DSC3: variants seen among roughly 807,000 people sequenced by gnomAD.
DSC3 encodes the protein desmocollin-3.
DSC3 carries 97 observed loss-of-function variants against 89.5 expected under a neutral mutation model. The ratio of observed to expected loss-of-function variants is 1.08; its 90% confidence interval spans 0.92 to 1.28. DSC3 has a LOEUF of 1.28. Among genes scored for constraint, DSC3 ranks in the 50% most tolerant of loss-of-function variants. DSC3 has a pLI of 0.00. For synonymous variants in DSC3, 436 were observed against 384.1 expected (o/e 1.14, Z -1.58); for missense variants, 1,199 against 1,085.3 (o/e 1.10, Z -1.47).
chr18:31,025,692 G>T, intron 5 of DSC3, 68 bp downstream of exon 5: 3 of 1,483,594 alleles, frequency 2.0e-6, no homozygotes, highest in Non-Finnish European at 2.8e-6. Flanking sequence ...GGAAAGAGTA[G>T]CTGGAGTAAG....
chr18:31,011,193 C>G (rs1985045011), intron 9 of DSC3, among the ~76,000 whole-genome samples: 1 of 152,214 alleles, frequency 6.6e-6, no homozygotes, highest in Non-Finnish European at 1.5e-5. Flanking sequence ...GTCTCTTTAA[C>G]TCTTCTCTTC....
At position 31,032,230 on chromosome 18, in the gene DSC3, A is replaced by G; in HGVS notation, c.116T>C (p.Val39Ala). The change falls in exon 2 of 16, where the codon GTA becomes GCA. Residue 39 changes from valine (V) to alanine (A), a missense_variant. Val to Ala is a moderately conservative substitution (Grantham distance 64). Transcript: ENST00000360428. ...GEACKKVILN[V>A]PSKLEADKII... is the part of the protein sequence containing the mutation. ...TTTGTCTGCCTCTAGTTTAGAAGGT[A>G]CATTAAGTATCACCTTTTTGCAGGC... is the stretch of plus-strand genomic sequence containing the variant. The G allele has an allele frequency of 6.2e-7, 1 of 1,613,866 alleles. No individual in the cohort carries two copies. The highest frequency in any genetic ancestry group is 8.5e-7 in the Non-Finnish European group (1 of 1,179,788).
intron 14 of DSC3, among the ~76,000 whole-genome samples, chr18:30,998,802 C>T (rs552012196): frequency 7.2e-5 from 11 of 152,240 alleles, no homozygotes; most frequent in Admixed American, 7.2e-4. Flanking sequence ...ACAGAAAAAT[C>T]ACAGCAAGGT....
rs1210748338 is a variant in DSC3, at chr18:30,996,987, G to A, written c.2297C>T (p.Thr766Ile). 1.2e-6 allele frequency: 2 copies of A among 1,614,050 alleles called. No homozygotes were observed. Among genetic ancestry groups the A allele is most frequent in the African/African-American group, 1.3e-5 (1 of 74,986 alleles). Residue 766 changes from threonine (T) to isoleucine (I), a missense_variant, in exon 15 of 16, where the codon ACT becomes ATT. Transcript: ENST00000360428. ...TNNSSQGFCGTMGSGMKNGGQ... is the reference protein window; with the variant it reads ...TNNSSQGFCGIMGSGMKNGGQ... ...TCCATTTTTCATTCCTGATCCCATA[G>A]TACCACAAAAACCTTGGCTAGAGTT...
At chr18:30,995,022 A>G (rs992695465) in intron 15 of DSC3, among the ~76,000 whole-genome samples, 4 of 152,184 alleles carry the variant, frequency 2.6e-5, no homozygotes, top group Non-Finnish European at 5.9e-5. Flanking sequence ...ACATGCATCG[A>G]AAAGTTCAAT....
intron 13 of DSC3, 115 bp downstream of exon 13, chr18:31,004,027 T>C (rs890766632): frequency 5.1e-6 from 4 of 789,664 alleles, no homozygotes; most frequent in African/African-American, 1.7e-5. Flanking sequence ...CAAAAGGAAC[T>C]TGGAAAGAGA....
intron 1 of DSC3, among the ~76,000 whole-genome samples, chr18:31,040,081 TA>T (rs1986085487): frequency 6.6e-6 from 1 of 152,082 alleles, no homozygotes; most frequent in Admixed American, 6.6e-5. Context: ...CCCTAACAAA[TA>T]TAAAAATTTG....
chr18:31,015,890 G>A (rs1228871714), intron 9 of DSC3, among the ~76,000 whole-genome samples: 1 of 152,164 alleles, frequency 6.6e-6, no homozygotes. Flanking sequence ...TGACCCTGCT[G>A]ATTAAAACAG....
chr18:31,038,342 G>A (rs1270627560), intron 1 of DSC3, among the ~76,000 whole-genome samples: 1 of 152,190 alleles, frequency 6.6e-6, no homozygotes, highest in African/African-American at 2.4e-5. Flanking sequence ...AGAAGTGTGT[G>A]TGGAGCTCTC....
Position 31,008,427 on chromosome 18 carries a change from G to C in DSC3, c.1362C>G (p.Asn454Lys), listed in dbSNP as rs776083703. 1 of 1,614,136 alleles carries C rather than the reference G, an allele frequency of 6.2e-7. No homozygotes were observed. Among genetic ancestry groups the C allele is most frequent in the Non-Finnish European group, 8.5e-7 (1 of 1,180,022 alleles). The change falls in exon 10 of 16, where the codon AAC becomes AAG. Residue 454 changes from asparagine (N) to lysine (K), a missense_variant. Transcript: ENST00000360428. Reference protein sequence around the residue: ...ARDIPRVTALNRALVTVHVRD... With the variant: ...ARDIPRVTALKRALVTVHVRD... ...TCACATGAACTGTAACCAAGGCTCT[G>C]TTCAAGGCTGTCACTCTGGGAATAT...
chr18:31,032,397 G>A, intron 1 of DSC3, 121 bp from the exon 2 acceptor site: 1 of 750,446 alleles, frequency 1.3e-6, no homozygotes, highest in South Asian at 1.6e-5. Flanking sequence ...ATAAACCCCA[G>A]CAAACTAGGA....
chr18:30,993,701 G>A lies in DSC3; in HGVS notation c.*474C>T, dbSNP rs1461024836. The A allele has an allele frequency of 6.1e-6, 1 of 164,138 alleles. No homozygotes were observed. Among genetic ancestry groups the A allele is most frequent in the Non-Finnish European group, 1.3e-5 (1 of 75,450 alleles). The allele number at this position is 164,138 out of a possible 1,614,324, so 10.2% of individuals were successfully genotyped here. ...AAATGAATTTGGTAGTGCAGTAGGG[G>A]TGAGTCCCAATTCTTTATGAGCTGC... is the stretch of plus-strand genomic sequence containing the variant. On this transcript the variant is annotated 3_prime_UTR_variant, in exon 16 of 16. Transcript: ENST00000360428.
chr18:31,041,245 C>T (rs1586961), intron 1 of DSC3, among the ~76,000 whole-genome samples: 21,972 of 152,182 alleles, frequency 0.14, 1,666 homozygotes, highest in Admixed American at 0.19. Flanking sequence ...ACCCCAAATG[C>T]ATGCTTGTAA....
chr18:31,042,317 C>T (rs1215501238), intron 1 of DSC3, among the ~76,000 whole-genome samples: 2 of 152,230 alleles, frequency 1.3e-5, no homozygotes, highest in Non-Finnish European at 2.9e-5. Flanking sequence ...GCGACGGCGC[C>T]CGCCAGAGCG....
chr18:30,993,017 T>G lies in DSC3; in HGVS notation c.*1158A>C, dbSNP rs1285101989. ...GGCTTAGGTTTAAGGACAATCAATC[T>G]CCCCAGGGTGCTTTCAGTAAGATCC... On this transcript the variant is annotated 3_prime_UTR_variant, in exon 16 of 16. Coordinates refer to ENST00000360428, the MANE Select transcript of DSC3 (RefSeq NM_001941.5). 1 of 152,174 alleles carries G rather than the reference T, an allele frequency of 6.6e-6. No homozygotes were observed. The highest frequency in any genetic ancestry group is 1.5e-5 in the Non-Finnish European group (1 of 68,054). 9.4% of individuals were successfully genotyped at this position (152,174 alleles called of 1,614,324 possible). A position where few individuals can be genotyped will look rare whatever the true frequency, so the allele number is the denominator to read the frequency against.
rs548424109 is a variant in DSC3, at chr18:31,032,450, AAAC to A, written c.70-177_70-175del. 4.0e-3 allele frequency among the ~76,000 whole-genome samples: 605 copies of A among 152,350 alleles called. 3 individuals carry two copies. The highest frequency in any genetic ancestry group is 0.014 in the African/African-American group (566 of 41,576). ...CAATATGGTAAAGTTCATTTATGAA[AAAC>A]AACAACTAACTTCATATTTAAAGGA... On this transcript the variant is annotated intron_variant, in intron 1 of 15. Transcript: ENST00000360428.
intron 15 of DSC3, among the ~76,000 whole-genome samples, chr18:30,995,425 G>A (rs901880037): frequency 7.9e-5 from 12 of 152,122 alleles, no homozygotes; most frequent in Admixed American, 6.5e-4. Flanking sequence ...CCCTATACCA[G>A]AGTATCACCC....
intron 4 of DSC3, 69 bp downstream of exon 4, chr18:31,029,440 G>C: frequency 6.4e-7 from 1 of 1,561,796 alleles, no homozygotes. Context: ...TGTTTAAAGA[G>C]GTATTAAATC....
chr18:31,010,334 A>G (rs1377487678), intron 9 of DSC3, among the ~76,000 whole-genome samples: 1 of 152,214 alleles, frequency 6.6e-6, no homozygotes, highest in East Asian at 1.9e-4. Context: ...GTGTGATCAC[A>G]CAGAGAGTAA....
Sources: gnomAD v4.1 joint callset for allele counts (sites outside exome capture counted in the v4.1 genomes callset) on GRCh38, gnomAD v4.1.1 for gene constraint, MANE v1.5 for transcripts, NCBI Gene and HGNC (gene_info 2026-07-23, HGNC 2026-07-21) for gene names.